CTNND2: variants seen among roughly 807,000 people sequenced by gnomAD.
CTNND2 encodes the protein catenin delta 2, also known as catenin delta-2.
In CTNND2, 22 loss-of-function variants were observed where a neutral mutation model predicts 144.4. The observed-to-expected ratio is 0.15, with a 90% CI of 0.11 to 0.22. The LOEUF is 0.22. CTNND2 is among the 10% of genes least tolerant of loss of function. CTNND2 has a pLI of 1.00. For synonymous variants in CTNND2, 751 were observed against 695.6 expected, an observed-to-expected ratio of 1.08 and a Z score of -1.25; for missense variants, 1,353 against 1,618.8, an observed-to-expected ratio of 0.84 and a Z score of 2.82.
At chr5:11,207,340 C>T (rs776605408) in intron 10 of CTNND2, among the ~76,000 whole-genome samples, 6 of 147,768 alleles carry the variant, frequency 4.1e-5, no homozygotes, top group Non-Finnish European at 7.4e-5. Context: ...ATCTATGTAA[C>T]AGACATGCAA....
chr5:11,555,578 A>G (rs1205681689), intron 3 of CTNND2, among the ~76,000 whole-genome samples: 1 of 152,174 alleles, frequency 6.6e-6, no homozygotes, highest in East Asian at 1.9e-4. Context: ...ATGGAGATGA[A>G]TCTTGAGGAC....
intron 12 of CTNND2, among the ~76,000 whole-genome samples, chr5:11,149,386 G>A (rs1358049682): frequency 2.0e-5 from 3 of 152,196 alleles, no homozygotes; most frequent in African/African-American, 4.8e-5. Flanking sequence ...GTCTGGACAC[G>A]GAAGTCCAGA....
intron 9 of CTNND2, among the ~76,000 whole-genome samples, chr5:11,330,943 C>A (rs1230236623): frequency 3.3e-5 from 5 of 152,126 alleles, no homozygotes; most frequent in African/African-American, 1.2e-4. Flanking sequence ...GCAATATTGT[C>A]TGTTACTTTC....
chr5:11,710,450 G>C (rs1785957707), intron 2 of CTNND2, among the ~76,000 whole-genome samples: 1 of 151,194 alleles, frequency 6.6e-6, no homozygotes, highest in South Asian at 2.1e-4. Context: ...TGAGGCAGGA[G>C]AGTTGCTTGA....
chr5:11,540,651 A>C (rs1347341051), intron 3 of CTNND2, among the ~76,000 whole-genome samples: 1 of 152,156 alleles, frequency 6.6e-6, no homozygotes, highest in African/African-American at 2.4e-5. Context: ...CTGGGACTAC[A>C]GGCGTGCATC....
At chr5:11,453,553 G>A (rs902473895) in intron 3 of CTNND2, among the ~76,000 whole-genome samples, 9 of 152,168 alleles carry the variant, frequency 5.9e-5, no homozygotes, top group African/African-American at 1.7e-4. Context: ...GGGACTCAGA[G>A]TATCAGACTA....
chr5:11,779,375 C>T (rs948629596), intron 1 of CTNND2, among the ~76,000 whole-genome samples: 3 of 152,182 alleles, frequency 2.0e-5, no homozygotes, highest in African/African-American at 7.2e-5. Context: ...GTGCTATTTA[C>T]CTGAGTTATC....
Position 11,679,803 on chromosome 5 carries a change from G to T in CTNND2, c.174+52333C>A, listed in dbSNP as rs114888050. On this transcript the variant is annotated intron_variant, in intron 2 of 21. Coordinates refer to ENST00000304623, the MANE Select transcript of CTNND2 (RefSeq NM_001332.4). ...AATGATATTAGTAACGTATCCTGTT[G>T]TAGGCACTCATAAAACTGAGGAATG... Among the ~76,000 whole-genome samples the T allele has an allele frequency of 4.1e-3, 629 of 152,278 alleles. 8 individuals are homozygous for T. The highest frequency in any genetic ancestry group is 0.015 in the African/African-American group (609 of 41,544).
intron 11 of CTNND2, among the ~76,000 whole-genome samples, chr5:11,189,893 T>C (rs913830390): frequency 4.6e-5 from 7 of 152,178 alleles, no homozygotes; most frequent in Admixed American, 3.9e-4. Context: ...GATTTCCTAA[T>C]TGGATTACAG....
At chr5:11,431,022 T>A (rs138219574) in intron 3 of CTNND2, among the ~76,000 whole-genome samples, 6 of 152,358 alleles carry the variant, frequency 3.9e-5, no homozygotes, top group African/African-American at 1.2e-4. Context: ...AAACAATGAA[T>A]CTATACTGCC....
At chr5:11,529,515 C>T (rs898990593) in intron 3 of CTNND2, among the ~76,000 whole-genome samples, 1 of 152,090 alleles carries the variant, frequency 6.6e-6, no homozygotes, top group African/African-American at 2.4e-5. Flanking sequence ...AAGAAAAACT[C>T]ACGGGAAAAA....
In CTNND2 at chr5:11,393,963, G is replaced by A. The variant is rs895097740; in HGVS notation, c.612+3068C>T. Among the ~76,000 whole-genome samples, 115 of 152,048 alleles carry A rather than the reference G, an allele frequency of 7.6e-4. 1 individual carries two copies. Among genetic ancestry groups the A allele is most frequent in the African/African-American group, 2.6e-3 (107 of 41,410 alleles). ...CTCACAACTCCTGCAGTCCACTGTA[G>A]CCACTCTGGCATCCTTGCTGCTCTG... is the stretch of plus-strand genomic sequence containing the variant. On this transcript the variant is annotated intron_variant, in intron 6 of 21. Coordinates refer to ENST00000304623, the MANE Select transcript of CTNND2 (RefSeq NM_001332.4).
At chr5:11,047,834 C>T (rs149094556) in intron 16 of CTNND2, among the ~76,000 whole-genome samples, 2 of 152,258 alleles carry the variant, frequency 1.3e-5, no homozygotes, top group African/African-American at 4.8e-5. Context: ...TGCTGTGTTC[C>T]TAGCAGGTGA....
At chr5:11,551,935 G>T (rs970260336) in intron 3 of CTNND2, among the ~76,000 whole-genome samples, 3 of 151,844 alleles carry the variant, frequency 2.0e-5, no homozygotes, top group East Asian at 1.9e-4. Flanking sequence ...AGGTTTTGCC[G>T]TGTTGCCCAG....
chr5:11,342,118 T>G (rs1754334805), intron 9 of CTNND2, among the ~76,000 whole-genome samples: 1 of 152,132 alleles, frequency 6.6e-6, no homozygotes, highest in Non-Finnish European at 1.5e-5. Flanking sequence ...ACATGCGTCG[T>G]GAACAGTTAA....
intron 16 of CTNND2, among the ~76,000 whole-genome samples, chr5:11,061,299 C>T (rs560086598): frequency 6.6e-6 from 1 of 152,186 alleles, no homozygotes; most frequent in Non-Finnish European, 1.5e-5. Context: ...ATCTTATCTA[C>T]TGTCTAGTGT....
chr5:11,091,360 A>G (rs1750752212), intron 15 of CTNND2, among the ~76,000 whole-genome samples: 3 of 152,290 alleles, frequency 2.0e-5, no homozygotes, highest in Admixed American at 2.0e-4. Flanking sequence ...TACATTTTCC[A>G]TGTGTAACTT....
intron 2 of CTNND2, among the ~76,000 whole-genome samples, chr5:11,726,957 G>C (rs1485994415): frequency 6.6e-6 from 1 of 152,152 alleles, no homozygotes; most frequent in Non-Finnish European, 1.5e-5. Context: ...ATAACTTAGA[G>C]TAACTAACAG....
At chr5:11,010,587 G>T (rs113736214) in intron 18 of CTNND2, among the ~76,000 whole-genome samples, 3 of 152,212 alleles carry the variant, frequency 2.0e-5, no homozygotes, top group African/African-American at 7.2e-5. Context: ...AGAGTGGTCA[G>T]TCTCCCACAA....
Sources: allele counts gnomAD v4.1 joint callset (sites outside exome capture counted in the v4.1 genomes callset), GRCh38; gene constraint gnomAD v4.1.1; transcripts MANE v1.5; gene names NCBI Gene and HGNC (gene_info 2026-07-23, HGNC 2026-07-21).